The following SPEG variants were observed in gnomAD, a reference collection of about 807,000 sequenced individuals.
The protein encoded by SPEG is striated muscle enriched protein kinase.
SPEG carries 114 observed loss-of-function variants against 300.4 expected under a neutral mutation model. The observed-to-expected ratio is 0.38, with a 90% CI of 0.33 to 0.44. The LOEUF (loss-of-function observed/expected upper bound fraction) is 0.44, where lower values mean the gene tolerates loss of function less well. SPEG is among the 20% of genes least tolerant of loss of function. The pLI is 1.00. For missense variants in SPEG, 4,201 were observed against 4,586.2 expected, an observed-to-expected ratio of 0.92 and a Z score of 2.43; for synonymous variants, 1,964 against 2,018.9, an observed-to-expected ratio of 0.97 and a Z score of 0.73.
intron 9 of SPEG, chr2:219,466,011 T>C (rs751383260): frequency 1.2e-5 from 19 of 1,560,266 alleles, no homozygotes; most frequent in Admixed American, 3.4e-5. Flanking sequence ...GCGCGTATGC[T>C]GCACTAACCT....
rs942893698 is a variant in SPEG, at chr2:219,490,076, C to T, written c.8921+137C>T. Reference sequence around the variant, plus strand: ...GAGACCTGGGTTATTAGAATGATTGCGTTCAAATGTGCCAGACACTGCACT... The same window carrying T: ...GAGACCTGGGTTATTAGAATGATTGTGTTCAAATGTGCCAGACACTGCACT... On this transcript the variant is annotated intron_variant, in intron 36 of 40. Coordinates refer to ENST00000312358, the MANE Select transcript of SPEG (RefSeq NM_005876.5). 3.0e-5 allele frequency: 31 copies of T among 1,045,534 alleles called. 1 individual carries two copies. The East Asian group carries it at 3.5e-4, about 12-fold the overall frequency. The allele number at this position is 1,045,534 out of a possible 1,614,324, so 64.8% of individuals were successfully genotyped here.
intron 6 of SPEG, among the ~76,000 whole-genome samples, chr2:219,457,529 A>G (rs767275115): frequency 5.9e-5 from 9 of 152,228 alleles, no homozygotes; most frequent in Non-Finnish European, 8.8e-5. Context: ...GGTTGCAGTG[A>G]GCTGAGATTA....
chr2:219,469,015 T>C lies in SPEG; in HGVS notation c.3458T>C (p.Val1153Ala). 1.2e-6 allele frequency: 2 copies of C among 1,613,594 alleles called. No homozygotes were observed. The highest frequency in any genetic ancestry group is 1.7e-6 in the Non-Finnish European group (2 of 1,179,874). The change falls in exon 12 of 41, where the codon GTA becomes GCA. Residue 1153 changes from valine (V) to alanine (A), a missense_variant. Physicochemically the swap from Val to Ala is moderately conservative, Grantham distance 64. Transcript: ENST00000312358. ...GQAHCSAQLY[V>A]EEPRTAASGP... The stretch of plus-strand genomic sequence containing the variant: ...GCCCACTGCTCAGCCCAGCTGTATG[T>C]AGAAGAGCCCCGGACAGCCGCCTCA...
Position 219,489,952 on chromosome 2 carries a change from G to A in SPEG, c.8921+13G>A, listed in dbSNP as rs1693811085. ...AGGAGAAAGCCAGGCAAGCAGGGCTGGGGAAGGGAAGAGGACAGAGGGGAG... is the reference window on the plus strand; with the variant it reads ...AGGAGAAAGCCAGGCAAGCAGGGCTAGGGAAGGGAAGAGGACAGAGGGGAG... On this transcript the variant is annotated intron_variant, in intron 36 of 40. Coordinates refer to ENST00000312358, the MANE Select transcript of SPEG (RefSeq NM_005876.5). The A allele has an allele frequency of 6.4e-7, 1 of 1,552,744 alleles. No individual in the cohort carries two copies. Among genetic ancestry groups the A allele is most frequent in the Non-Finnish European group, 8.7e-7 (1 of 1,145,796 alleles).
Position 219,481,175 on chromosome 2 carries a change from A to T in SPEG, c.5370-129A>T. On this transcript the variant is annotated intron_variant, in intron 26 of 40. Transcript: ENST00000312358. The surrounding 1 kb of genome is among the most constrained non-coding windows in gnomAD (Gnocchi z 5.4). ...GAGAGAGTCCGCAGCCTCACCTCTTACCCACATTTGCCCAGCCTCTGTCAT... is the reference window on the plus strand; with the variant it reads ...GAGAGAGTCCGCAGCCTCACCTCTTTCCCACATTTGCCCAGCCTCTGTCAT... 1 of 988,904 alleles carries T rather than the reference A, an allele frequency of 1.0e-6. No homozygotes were observed. The highest frequency in any genetic ancestry group is 1.5e-6 in the Non-Finnish European group (1 of 652,740). 61.3% of individuals were successfully genotyped at this position (988,904 alleles called of 1,614,324 possible). A position where few individuals can be genotyped will look rare whatever the true frequency, so the allele number is the denominator to read the frequency against.
intron 6 of SPEG, among the ~76,000 whole-genome samples, chr2:219,452,631 G>A (rs576629550): frequency 1.3e-3 from 199 of 152,248 alleles, no homozygotes; most frequent in Middle Eastern, 3.4e-3. Context: ...GGACAGTGCG[G>A]AGCAGATGGA....
Position 219,445,161 on chromosome 2 carries a change from T to A in SPEG, c.815T>A (p.Val272Asp). Residue 272 changes from valine to aspartate, a missense_variant and splice_region_variant, in exon 3 of 41, where the codon GTC (valine) becomes GAC (aspartate). Around this residue, in one of 4 missense-constraint regions of SPEG, gnomAD observed 1,258 missense variants for 1,293.9 expected, o/e 0.97. Coordinates refer to ENST00000312358, the MANE Select transcript of SPEG (RefSeq NM_005876.5). This position sits in a 1 kb window ranked among gnomAD's most constrained non-coding sequence, Gnocchi z 6.1. The stretch of plus-strand genomic sequence containing the variant: ...AGAGGACGGGCGCTCTCTATCCACG[T>A]GTAAGTAACGGCCTTACCTGGGCCT... The part of the protein sequence containing the change: ...LYRGRALSIH[V>D]SVPQSGLRRE... 1.3e-6 allele frequency: 2 copies of A among 1,566,856 alleles called. No homozygotes were observed. The highest frequency in any genetic ancestry group is 1.7e-6 in the Non-Finnish European group (2 of 1,156,678).
intron 13 of SPEG, 103 bp downstream of exon 13, chr2:219,469,482 C>T: frequency 2.1e-6 from 2 of 961,518 alleles, no homozygotes; most frequent in South Asian, 3.2e-5. Flanking sequence ...TCCTCTGTAG[C>T]CTGACCAGGG....
At chr2:219,461,514 G>A in intron 6 of SPEG, 2 of 1,104,736 alleles carry the variant, frequency 1.8e-6, no homozygotes, top group African/African-American at 1.7e-5. Context: ...TTTGGAGCCT[G>A]CAGTTGGTAG....
At chr2:219,482,706 G>T (rs1692964982) in intron 28 of SPEG, 78 bp from the exon 29 acceptor site, 1 of 1,327,760 alleles carries the variant, frequency 7.5e-7, no homozygotes, top group East Asian at 2.4e-5. Flanking sequence ...CCGCCCCATG[G>T]ACTTTGTCTC....
At chr2:219,491,929 C>G in intron 39 of SPEG, 60 bp downstream of exon 39, 2 of 1,463,472 alleles carry the variant, frequency 1.4e-6, no homozygotes, top group South Asian at 2.6e-5. Flanking sequence ...CCCGGACTCA[C>G]CTTCTGCCAA....
Position 219,488,611 on chromosome 2 carries a change from T to G in SPEG, c.7972T>G (p.Ser2658Ala). The change falls in exon 33 of 41, where the codon TCG becomes GCG. Residue 2658 changes from serine (S) to alanine (A), a missense_variant. By Grantham distance (99) the Ser-to-Ala change is moderately conservative. Coordinates refer to ENST00000312358, the MANE Select transcript of SPEG (RefSeq NM_005876.5). The part of the protein sequence containing the change: ...GKRHAGLYEC[S>A]ATNVLGSITS... ...GCGGCACGCCGGTCTCTATGAGTGC[T>G]CGGCCACCAACGTACTGGGCAGCAT... 1 of 1,611,972 alleles carries G rather than the reference T, an allele frequency of 6.2e-7. No individual in the cohort carries two copies. The highest frequency in any genetic ancestry group is 1.7e-5 in the Admixed American group (1 of 59,826).
In SPEG at chr2:219,483,656, C is replaced by G. The variant is rs1425164928; in HGVS notation, c.6193C>G (p.Gln2065Glu). Residue 2065 changes from glutamine (Q) to glutamate (E), a missense_variant, in exon 30 of 41, where the codon CAG (glutamine) becomes GAG (glutamate). Physicochemically the swap from Gln to Glu is conservative, Grantham distance 29. Around this residue, in one of 4 missense-constraint regions of SPEG, gnomAD observed 1,578 missense variants for 1,506.0 expected, o/e 1.05. Coordinates refer to ENST00000312358, the MANE Select transcript of SPEG (RefSeq NM_005876.5). Reference sequence around the variant, plus strand: ...AGGCCTGGGTGAGGGCGAGTATGCCCAGAGGCTGCAGGCCCTGCGCCAGCG... The same window carrying G: ...AGGCCTGGGTGAGGGCGAGTATGCCGAGAGGCTGCAGGCCCTGCGCCAGCG... ...RGGLGEGEYA[Q>E]RLQALRQRLL... 2.0e-6 allele frequency: 3 copies of G among 1,532,494 alleles called. No homozygotes were observed. The highest frequency in any genetic ancestry group is 2.6e-6 in the Non-Finnish European group (3 of 1,146,280). The allele number at this position is 1,532,494 out of a possible 1,614,324, so 94.9% of individuals were successfully genotyped here.
At position 219,483,908 on chromosome 2, in the gene SPEG, C is replaced by T. The variant is rs1176358215; in HGVS notation, c.6445C>T (p.Leu2149Phe). The change falls in exon 30 of 41, where the codon CTC becomes TTC. Residue 2149 changes from leucine (L) to phenylalanine (F), a missense_variant. Coordinates refer to ENST00000312358, the MANE Select transcript of SPEG (RefSeq NM_005876.5). Reference protein sequence around the residue: ...RGRHRRAGAPLEIPVARLGAR... With the variant: ...RGRHRRAGAPFEIPVARLGAR... ...CCGGCACCGCCGAGCGGGGGCGCCC[C>T]TCGAGATCCCCGTGGCCAGGCTTGG... The T allele has an allele frequency of 6.2e-7, 1 of 1,602,466 alleles. No homozygotes were observed. The highest frequency in any genetic ancestry group is 1.1e-5 in the South Asian group (1 of 90,996).
Position 219,448,485 on chromosome 2 carries a change from C to G in SPEG, c.1327C>G (p.Arg443Gly), listed in dbSNP as rs1689488289. Residue 443 changes from arginine to glycine, a missense_variant, in exon 4 of 41, where the codon CGC (arginine) becomes GGC (glycine). By Grantham distance (125) the Arg-to-Gly change is moderately radical (BLOSUM62 -2). Around this residue, in one of 4 missense-constraint regions of SPEG, gnomAD observed 1,258 missense variants for 1,293.9 expected, o/e 0.97. Transcript: ENST00000312358. Reference protein sequence around the residue: ...ARSLEQPKSERGAPWGTPGAS... With the variant: ...ARSLEQPKSEGGAPWGTPGAS... Reference sequence around the variant, plus strand: ...CTCTCTGGAGCAGCCCAAGTCGGAGCGCGGCGCACCGTGGGGCACCCCCGG... The same window carrying G: ...CTCTCTGGAGCAGCCCAAGTCGGAGGGCGGCGCACCGTGGGGCACCCCCGG... The G allele has an allele frequency of 1.4e-6, 2 of 1,464,610 alleles. No individual in the cohort carries two copies. The highest frequency in any genetic ancestry group is 5.7e-5 in the East Asian group (2 of 35,068). The allele number at this position is 1,464,610 out of a possible 1,614,324, so 90.7% of individuals were successfully genotyped here.
intron 6 of SPEG, chr2:219,461,597 G>A (rs1056440604): frequency 2.7e-6 from 3 of 1,115,040 alleles, no homozygotes; most frequent in Non-Finnish European, 1.2e-6. Flanking sequence ...GCCCAGGAGT[G>A]GCCCCTCTGC....
rs1575160011 is a variant in SPEG, at chr2:219,480,770, A to C, written c.5369+73A>C. 1 of 1,427,086 alleles carries C rather than the reference A, an allele frequency of 7.0e-7. No individual in the cohort carries two copies. The highest frequency in any genetic ancestry group is 1.4e-5 in the African/African-American group (1 of 70,696). The allele number at this position is 1,427,086 out of a possible 1,614,324, so 88.4% of individuals were successfully genotyped here. On this transcript the variant is annotated intron_variant, in intron 26 of 40. Coordinates refer to ENST00000312358, the MANE Select transcript of SPEG (RefSeq NM_005876.5). The surrounding 1 kb of genome is among the most constrained non-coding windows in gnomAD (Gnocchi z 5.3). ...CCTAACCTTTGCAGGGCTGCAGCCCACCCCCTTCTCTTCCGCACCCCCCAC... is the reference window on the plus strand; with the variant it reads ...CCTAACCTTTGCAGGGCTGCAGCCCCCCCCCTTCTCTTCCGCACCCCCCAC...
In SPEG at chr2:219,480,942, AG is replaced by A. The variant is rs1390943430; in HGVS notation, c.5369+248del. On this transcript the variant is annotated intron_variant, in intron 26 of 40. Transcript: ENST00000312358. The surrounding 1 kb of genome is among the most constrained non-coding windows in gnomAD (Gnocchi z 5.3). ...AGCGCAGGCTCAGGGCCATGGAGGC[AG>A]GGAACTCCTTGGCTCTGAGTGTCCA... is the stretch of plus-strand genomic sequence containing the variant. Among the ~76,000 whole-genome samples the A allele has an allele frequency of 6.6e-6, 1 of 152,016 alleles. No individual in the cohort carries two copies. Among genetic ancestry groups the A allele is most frequent in the Non-Finnish European group, 1.5e-5 (1 of 67,982 alleles).
At position 219,491,879 on chromosome 2, in the gene SPEG, C is replaced by T; in HGVS notation, c.9461+10C>T. 1 of 1,586,214 alleles carries T rather than the reference C, an allele frequency of 6.3e-7. No individual in the cohort carries two copies. Among genetic ancestry groups the T allele is most frequent in the South Asian group, 1.1e-5 (1 of 87,844 alleles). Reference sequence around the variant, plus strand: ...TGCTCACTTACATTATGTGAGTGTCCCCTACCCCACCGCAGCCCTCTCTGC... The same window carrying T: ...TGCTCACTTACATTATGTGAGTGTCTCCTACCCCACCGCAGCCCTCTCTGC... On this transcript the variant is annotated intron_variant, in intron 39 of 40. Transcript: ENST00000312358.
Sources: gnomAD v4.1 joint callset for allele counts (sites outside exome capture counted in the v4.1 genomes callset) on GRCh38, gnomAD v4.1.1 for gene constraint, gnomAD v4.1.1 regional missense constraint, Gnocchi (gnomAD v3.1) non-coding constraint, MANE v1.5 for transcripts, NCBI Gene and HGNC (gene_info 2026-07-23, HGNC 2026-07-21) for gene names.